The following ACMSD variants were observed in gnomAD, a reference collection of about 807,000 sequenced individuals.
The protein encoded by ACMSD is 2-amino-3-carboxymuconate-6-semialdehyde decarboxylase.
In ACMSD, 37 loss-of-function variants were observed where a neutral mutation model predicts 45.9. The ratio of observed to expected loss-of-function variants is 0.81; its 90% confidence interval spans 0.62 to 1.06. The LOEUF is 1.06. ACMSD is among the 50% of genes least tolerant of loss of function. The probability of loss-of-function intolerance (pLI) is 0.00; values close to 1 mark genes in which losing one functional copy is unlikely to be tolerated. For missense variants in ACMSD, 434 were observed against 420.9 expected (o/e 1.03, Z -0.27); for synonymous variants, 138 against 148.8 (o/e 0.93, Z 0.53).
chr2:134,870,224 C>T (rs1242118633), intron 6 of ACMSD, among the ~76,000 whole-genome samples: 1 of 152,196 alleles, frequency 6.6e-6, no homozygotes, highest in African/African-American at 2.4e-5. Context: ...GGGATGAAGG[C>T]ATTAGACATG....
intron 5 of ACMSD, among the ~76,000 whole-genome samples, chr2:134,864,932 G>A (rs958205586): frequency 1.3e-5 from 2 of 152,072 alleles, no homozygotes; most frequent in Admixed American, 6.5e-5. Flanking sequence ...CAGGATTCAT[G>A]ATGCATAATT....
chr2:134,888,176 GA>G (rs1438667731), intron 8 of ACMSD, among the ~76,000 whole-genome samples: 1 of 152,140 alleles, frequency 6.6e-6, no homozygotes, highest in African/African-American at 2.4e-5. Context: ...AACTCATGAT[GA>G]AAAGTCCAAC....
At chr2:134,884,882 G>A (rs1390917620) in intron 8 of ACMSD, among the ~76,000 whole-genome samples, 3 of 152,010 alleles carry the variant, frequency 2.0e-5, no homozygotes, top group Non-Finnish European at 4.4e-5. Context: ...CAAATTTACA[G>A]TATTTAAAAT....
In ACMSD at chr2:134,892,462, A is replaced by AAAATAAATAAAT. The variant is rs4055120; in HGVS notation, c.850-5850_850-5839dup. On this transcript the variant is annotated intron_variant, in intron 8 of 9. Coordinates refer to ENST00000356140, the MANE Select transcript of ACMSD (RefSeq NM_138326.3). ...GTCTTAGGTTTCTATTGCTGTGGAAAAAATAAATAAATAAATAAATAAATA... is the reference window on the plus strand; with the variant it reads ...GTCTTAGGTTTCTATTGCTGTGGAAAAAATAAATAAATAAATAAATAAATAAATAAATAAATA... Among the ~76,000 whole-genome samples, 285 of 148,462 alleles carry AAAATAAATAAAT rather than the reference A, an allele frequency of 1.9e-3. 2 individuals carry two copies. The highest frequency in any genetic ancestry group is 0.014 in the East Asian group (69 of 4,962).
chr2:134,847,835 C>T (rs1189015604), intron 2 of ACMSD, among the ~76,000 whole-genome samples: 3 of 148,238 alleles, frequency 2.0e-5, no homozygotes, highest in Non-Finnish European at 1.5e-5. Context: ...ATATATGCCA[C>T]ATTTTCTTTT....
intron 1 of ACMSD, among the ~76,000 whole-genome samples, chr2:134,840,190 A>AAAC: frequency 7.8e-6 from 1 of 127,914 alleles, no homozygotes; most frequent in African/African-American, 2.9e-5. Context: ...AAAAAAAAAA[A>AAAC]AAACCACTAA....
chr2:134,839,655 T>C (rs965451980), intron 1 of ACMSD, among the ~76,000 whole-genome samples: 7 of 152,354 alleles, frequency 4.6e-5, no homozygotes, highest in African/African-American at 1.2e-4. Flanking sequence ...AGTTGTCTCA[T>C]TGAAGAATGT....
chr2:134,873,592 G>C (rs192561553), intron 8 of ACMSD: 20 of 152,318 alleles, frequency 1.3e-4, no homozygotes, highest in African/African-American at 4.8e-4. Flanking sequence ...TTTGAAAGTT[G>C]CAAGTAGTGG....
At chr2:134,866,615 A>G (rs939542742) in intron 5 of ACMSD, among the ~76,000 whole-genome samples, 1 of 152,216 alleles carries the variant, frequency 6.6e-6, no homozygotes, top group African/African-American at 2.4e-5. Context: ...TTATGTACAC[A>G]AGTCACATTG....
intron 8 of ACMSD, among the ~76,000 whole-genome samples, chr2:134,880,747 T>C (rs1688993887): frequency 6.6e-6 from 1 of 152,224 alleles, no homozygotes; most frequent in Non-Finnish European, 1.5e-5. Context: ...GTCTTTCATA[T>C]TAAATGCTTT....
At chr2:134,862,531 G>A (rs1687892568) in intron 4 of ACMSD, among the ~76,000 whole-genome samples, 1 of 152,116 alleles carries the variant, frequency 6.6e-6, no homozygotes, top group South Asian at 2.1e-4. Context: ...GAAAATTTTT[G>A]TACGTAGCCG....
At chr2:134,867,809 A>G (rs1391208596) in intron 6 of ACMSD, 137 bp downstream of exon 6, 1 of 585,840 alleles carries the variant, frequency 1.7e-6, no homozygotes, top group Non-Finnish European at 3.0e-6. Context: ...TCACTTACTG[A>G]GCTCTTACTT....
At chr2:134,840,400 G>T (rs1686750522) in intron 1 of ACMSD, among the ~76,000 whole-genome samples, 1 of 151,946 alleles carries the variant, frequency 6.6e-6, no homozygotes, top group African/African-American at 2.4e-5. Context: ...GGATTTTGAG[G>T]CTTAGAGAGA....
At chr2:134,898,845 G>T (rs1690337729) in intron 9 of ACMSD, among the ~76,000 whole-genome samples, 1 of 152,086 alleles carries the variant, frequency 6.6e-6, no homozygotes, top group Non-Finnish European at 1.5e-5. Context: ...CAAGGAATCA[G>T]ATCCTTTAAG....
At chr2:134,895,338 A>ATATGTTATATATATATAAT (rs1553517011) in intron 8 of ACMSD, among the ~76,000 whole-genome samples, 1 of 145,428 alleles carries the variant, frequency 6.9e-6, no homozygotes, top group African/African-American at 2.5e-5. Context: ...TTATATATAT[A>ATATGTTATATATATATAAT]ATATATATAT....
In ACMSD at chr2:134,901,808, A is replaced by C. The variant is rs766805452; in HGVS notation, c.959A>C (p.Lys320Thr). Residue 320 changes from lysine to threonine, a missense_variant, in exon 10 of 10, where the codon AAA becomes ACA. Lys to Thr is a moderately conservative substitution (Grantham distance 78). Coordinates refer to ENST00000356140, the MANE Select transcript of ACMSD (RefSeq NM_138326.3). ...TTCTTTTCTTTTCAGAATAAACTCA[A>C]AGCCGGCAATGCCCTGGCATTTTTG... ...EFDEETKNKL[K>T]AGNALAFLGL... 6 of 1,601,170 alleles carry C rather than the reference A, an allele frequency of 3.7e-6. No individual in the cohort carries two copies. Among genetic ancestry groups the C allele is most frequent in the Non-Finnish European group, 5.1e-6 (6 of 1,171,970 alleles).
At chr2:134,893,274 C>A (rs1264014563) in intron 8 of ACMSD, among the ~76,000 whole-genome samples, 2 of 149,400 alleles carry the variant, frequency 1.3e-5, no homozygotes, top group Non-Finnish European at 3.0e-5. Flanking sequence ...TCATAGCTCA[C>A]TGCAGCCTCC....
intron 2 of ACMSD, among the ~76,000 whole-genome samples, chr2:134,850,519 C>T (rs1412132223): frequency 7.2e-5 from 11 of 152,152 alleles, no homozygotes; most frequent in African/African-American, 2.4e-4. Context: ...CCACCTGCTT[C>T]GTCCCCCCAG....
At chr2:134,862,713 C>T (rs377165240) in intron 4 of ACMSD, among the ~76,000 whole-genome samples, 3 of 152,174 alleles carry the variant, frequency 2.0e-5, no homozygotes, top group African/African-American at 4.8e-5. Context: ...CTTAAAAGTG[C>T]CCTGAGACCT....
Sources: gnomAD v4.1 joint callset for allele counts (sites outside exome capture counted in the v4.1 genomes callset) on GRCh38, gnomAD v4.1.1 for gene constraint, MANE v1.5 for transcripts, NCBI Gene and HGNC (gene_info 2026-07-23, HGNC 2026-07-21) for gene names.